PTPRT: variants seen among roughly 807,000 people sequenced by gnomAD.
PTPRT encodes the protein receptor-type tyrosine-protein phosphatase T.
In PTPRT, 56 loss-of-function variants were observed where a neutral mutation model predicts 176.8. That is an observed-to-expected ratio of 0.32 (90% CI 0.26 to 0.40). The LOEUF is 0.40. Among genes scored for constraint, PTPRT ranks in the 10% least tolerant of loss-of-function variants. The pLI is 1.00. For synonymous variants in PTPRT, 783 were observed against 739.0 expected (o/e 1.06, Z -0.96); for missense variants, 1,540 against 1,908.2 (o/e 0.81, Z 3.60).
At chr20:42,871,410 G>C (rs1057369044) in intron 2 of PTPRT, among the ~76,000 whole-genome samples, 1 of 151,730 alleles carries the variant, frequency 6.6e-6, no homozygotes, top group Non-Finnish European at 1.5e-5. Flanking sequence ...AGAGAGGTTT[G>C]TAAATATTTT....
At chr20:42,697,948 A>G (rs999068526) in intron 6 of PTPRT, among the ~76,000 whole-genome samples, 2 of 152,222 alleles carry the variant, frequency 1.3e-5, no homozygotes, top group African/African-American at 4.8e-5. Flanking sequence ...CACATATAAC[A>G]AAGAACACAC....
intron 7 of PTPRT, among the ~76,000 whole-genome samples, chr20:42,596,716 GA>G (rs1417141568): frequency 2.0e-5 from 3 of 152,068 alleles, no homozygotes; most frequent in Admixed American, 6.5e-5. Flanking sequence ...TTTTTAAAAC[GA>G]AAAATACAAA....
intron 6 of PTPRT, among the ~76,000 whole-genome samples, chr20:42,753,736 GT>G (rs1264244446): frequency 2.0e-5 from 3 of 152,182 alleles, no homozygotes; most frequent in African/African-American, 7.2e-5. Flanking sequence ...ACAAATCAGT[GT>G]CCCCGTAAAC....
intron 16 of PTPRT, among the ~76,000 whole-genome samples, chr20:42,179,382 T>C (rs1990422801): frequency 6.6e-6 from 1 of 152,186 alleles, no homozygotes; most frequent in African/African-American, 2.4e-5. Context: ...GGAAAGTAAA[T>C]GGTTTAATTT....
intron 29 of PTPRT, among the ~76,000 whole-genome samples, chr20:42,082,362 G>GT (rs1983417529): frequency 6.6e-6 from 1 of 152,230 alleles, no homozygotes; most frequent in Non-Finnish European, 1.5e-5. Context: ...CAAACCCCAA[G>GT]GGCAGGATGG....
chr20:43,136,178 C>A (rs2013826529), intron 1 of PTPRT, among the ~76,000 whole-genome samples: 1 of 152,168 alleles, frequency 6.6e-6, no homozygotes, highest in South Asian at 2.1e-4. Flanking sequence ...TAATGGCGAG[C>A]CAGAATACCC....
At chr20:42,300,403 A>C (rs1296114589) in intron 12 of PTPRT, among the ~76,000 whole-genome samples, 1 of 152,128 alleles carries the variant, frequency 6.6e-6, no homozygotes, top group Non-Finnish European at 1.5e-5. Context: ...AATAAGTACC[A>C]TTCCCCATTT....
chr20:42,104,186 G>C (rs1330156672), intron 25 of PTPRT, among the ~76,000 whole-genome samples: 2 of 152,154 alleles, frequency 1.3e-5, no homozygotes, highest in Non-Finnish European at 2.9e-5. Flanking sequence ...GAAACATGTA[G>C]GGCCAGGTGT....
intron 19 of PTPRT, among the ~76,000 whole-genome samples, chr20:42,121,351 C>T (rs1011810957): frequency 3.3e-5 from 5 of 152,184 alleles, no homozygotes; most frequent in African/African-American, 9.7e-5. Flanking sequence ...TTGAGGACTC[C>T]TATGTACTTA....
intron 9 of PTPRT, among the ~76,000 whole-genome samples, chr20:42,409,009 G>A (rs2058987551): frequency 6.6e-6 from 1 of 152,058 alleles, no homozygotes; most frequent in Non-Finnish European, 1.5e-5. Flanking sequence ...TCACCTCCTA[G>A]GGGTCTCACC....
At chr20:43,131,755 C>G (rs2013652658) in intron 1 of PTPRT, among the ~76,000 whole-genome samples, 1 of 152,038 alleles carries the variant, frequency 6.6e-6, no homozygotes. Flanking sequence ...AAACAAAAAT[C>G]CTAATTAAGC....
rs11468258 is a variant in PTPRT at position 42,201,950 on chromosome 20, C to CGTGT, written c.2343-2566_2343-2563dup. Among the ~76,000 whole-genome samples, 281 of 143,208 alleles carry CGTGT rather than the reference C, an allele frequency of 2.0e-3. 1 individual carries two copies. The highest frequency in any genetic ancestry group is 5.4e-3 in the African/African-American group (205 of 38,310). 94.0% of individuals were successfully genotyped at this position (143,208 alleles called of 152,430 possible). A position where few individuals can be genotyped will look rare whatever the true frequency, so the allele number is the denominator to read the frequency against. On this transcript the variant is annotated intron_variant, in intron 15 of 30. Coordinates refer to ENST00000373187, the MANE Select transcript of PTPRT (RefSeq NM_007050.6). Reference sequence around the variant, plus strand: ...ATCCCAACCAAGAAGAGAAAAGTTGCGTGTGTGTGTGTGTGTGTGTGTGTG... The same window carrying CGTGT: ...ATCCCAACCAAGAAGAGAAAAGTTGCGTGTGTGTGTGTGTGTGTGTGTGTGTGTG...
chr20:42,946,949 A>G (rs2146005464), intron 1 of PTPRT, among the ~76,000 whole-genome samples: 1 of 152,270 alleles, frequency 6.6e-6, no homozygotes, highest in South Asian at 2.1e-4. Context: ...ATGTCTCCAG[A>G]CAGTGCCAAA....
the PTPRT span, among the ~76,000 whole-genome samples, chr20:42,041,311 A>T: frequency 6.6e-6 from 1 of 152,186 alleles, no homozygotes; most frequent in South Asian, 2.1e-4. Context: ...GTGAGCTGCC[A>T]AAGAGAAGTG....
the PTPRT span, among the ~76,000 whole-genome samples, chr20:42,043,624 T>G: frequency 6.6e-6 from 1 of 151,994 alleles, no homozygotes; most frequent in Non-Finnish European, 1.5e-5. Flanking sequence ...TGGAGCAGAG[T>G]CCCCTTGCAG....
chr20:42,047,980 G>A, the PTPRT span, among the ~76,000 whole-genome samples: 1 of 152,174 alleles, frequency 6.6e-6, no homozygotes, highest in African/African-American at 2.4e-5. Context: ...TTGAGGGGAT[G>A]AATATTTCAA....
In PTPRT at chr20:43,189,570, A is replaced by C. The variant is rs564041866; in HGVS notation, c.88+76T>G. On this transcript the variant is annotated intron_variant, in intron 1 of 30. Transcript: ENST00000373187. This position sits in a 1 kb window ranked among gnomAD's most constrained non-coding sequence, Gnocchi z 5.0. Reference sequence around the variant, plus strand: ...CGAGCCCACACAACTTTCTCCTCCGAGGGCCCCGCGGCTGGGGGCCCGCGC... The same window carrying C: ...CGAGCCCACACAACTTTCTCCTCCGCGGGCCCCGCGGCTGGGGGCCCGCGC... 5.0e-4 allele frequency: 492 copies of C among 992,704 alleles called. 3 individuals are homozygous for C. The African/African-American group carries it at 7.3e-3, about 15-fold the overall frequency. 61.5% of individuals were successfully genotyped at this position (992,704 alleles called of 1,614,324 possible). A position where few individuals can be genotyped will look rare whatever the true frequency, so the allele number is the denominator to read the frequency against.
chr20:42,520,613 T>G (rs2072154098), intron 7 of PTPRT, among the ~76,000 whole-genome samples: 1 of 152,222 alleles, frequency 6.6e-6, no homozygotes, highest in African/African-American at 2.4e-5. Flanking sequence ...TCATTGCATC[T>G]ACATGCTTAC....
At chr20:42,071,735 C>A (rs1302081130), downstream of PTPRT, among the ~76,000 whole-genome samples, 1 of 152,176 alleles carries the variant, frequency 6.6e-6, no homozygotes, top group Non-Finnish European at 1.5e-5. Context: ...CAGCTTGCTG[C>A]AGCCTCAACT....
Sources: allele counts gnomAD v4.1 joint callset (sites outside exome capture counted in the v4.1 genomes callset), GRCh38; gene constraint gnomAD v4.1.1; non-coding constraint Gnocchi (gnomAD v3.1); transcripts MANE v1.5; gene names NCBI Gene and HGNC (gene_info 2026-07-23, HGNC 2026-07-21).